FAM168A: variants seen among roughly 807,000 people sequenced by gnomAD.
FAM168A encodes the protein protein FAM168A.
FAM168A carries 3 observed loss-of-function variants against 28.5 expected under a neutral mutation model. The observed-to-expected ratio is 0.11, with a 90% CI of 0.05 to 0.27. FAM168A has a LOEUF of 0.27. FAM168A is among the 10% of genes least tolerant of loss of function. The pLI is 1.00. For missense variants in FAM168A, 222 were observed against 311.5 expected (o/e 0.71, Z 2.16); for synonymous variants, 122 against 124.2 (o/e 0.98, Z 0.12).
chr11:73,491,378 A>G (rs1392385494), intron 1 of FAM168A, among the ~76,000 whole-genome samples: 2 of 152,242 alleles, frequency 1.3e-5, no homozygotes, highest in African/African-American at 2.4e-5. Flanking sequence ...CTTACAAGGC[A>G]TAATTCTTCT....
chr11:73,438,676 CA>C (rs774244385), intron 2 of FAM168A, among the ~76,000 whole-genome samples: 25 of 152,084 alleles, frequency 1.6e-4, no homozygotes, highest in Admixed American at 3.3e-4. Context: ...GTATGTCTTA[CA>C]AAAACTACTC....
intron 1 of FAM168A, among the ~76,000 whole-genome samples, chr11:73,556,969 C>G (rs1943898919): frequency 6.6e-6 from 1 of 151,456 alleles, no homozygotes; most frequent in East Asian, 1.9e-4. Context: ...GCAGAGGTTG[C>G]AGTGAGCCAA....
intron 4 of FAM168A, among the ~76,000 whole-genome samples, chr11:73,414,970 T>C (rs1866672848): frequency 6.6e-6 from 1 of 152,226 alleles, no homozygotes; most frequent in African/African-American, 2.4e-5. Flanking sequence ...AATTTTTCTC[T>C]TCCCTGGGGA....
rs1866398440 is a variant in FAM168A, at chr11:73,401,107, A to ATTATTG, written c.*5655_*5656insCAATAA. 6.7e-6 allele frequency: 1 copy of ATTATTG among 149,282 alleles called. No homozygotes were observed. The highest frequency in any genetic ancestry group is 1.5e-5 in the Non-Finnish European group (1 of 67,422). The allele number at this position is 149,282 out of a possible 1,614,324, so 9.2% of individuals were successfully genotyped here. ...TATTATTATTATTATTATTATTATTATTATTTTAAATTTTATTTCTTTTTA... is the reference window on the plus strand; with the variant it reads ...TATTATTATTATTATTATTATTATTATTATTGTTATTTTAAATTTTATTTCTTTTTA... On this transcript the variant is annotated 3_prime_UTR_variant, in exon 8 of 8. Transcript: ENST00000356467.
intron 1 of FAM168A, among the ~76,000 whole-genome samples, chr11:73,525,482 C>T (rs1943436908): frequency 6.6e-6 from 1 of 152,156 alleles, no homozygotes; most frequent in Non-Finnish European, 1.5e-5. Flanking sequence ...CTGAGTCTAG[C>T]ATCCCCAAGT....
chr11:73,552,865 G>A (rs1204742987), intron 1 of FAM168A, among the ~76,000 whole-genome samples: 3 of 152,138 alleles, frequency 2.0e-5, no homozygotes, highest in Non-Finnish European at 4.4e-5. Context: ...ACTGAGGCAG[G>A]AGAAACACTA....
At chr11:73,547,191 AAAG>A (rs1003181678) in intron 1 of FAM168A, among the ~76,000 whole-genome samples, 2 of 151,600 alleles carry the variant, frequency 1.3e-5, no homozygotes, top group African/African-American at 2.4e-5. Flanking sequence ...GAGGAAGAAG[AAAG>A]AAGAAGAGAA....
At chr11:73,521,160 C>G (rs1309377010) in intron 1 of FAM168A, among the ~76,000 whole-genome samples, 1 of 152,178 alleles carries the variant, frequency 6.6e-6, no homozygotes, top group Non-Finnish European at 1.5e-5. Flanking sequence ...GTAGGTTGTT[C>G]TGCATGTGCG....
intron 3 of FAM168A, chr11:73,424,948 G>C: frequency 1.6e-6 from 2 of 1,264,072 alleles, no homozygotes; most frequent in Non-Finnish European, 2.2e-6. Context: ...GAGGAGAGGA[G>C]AGGGGATCTA....
chr11:73,458,655 G>C (rs1488736224), intron 2 of FAM168A, among the ~76,000 whole-genome samples: 4 of 152,136 alleles, frequency 2.6e-5, no homozygotes, highest in African/African-American at 9.7e-5. Flanking sequence ...CTGTCGCCCA[G>C]GCTGGAGTGC....
intron 1 of FAM168A, among the ~76,000 whole-genome samples, chr11:73,491,809 T>C (rs547680952): frequency 1.3e-5 from 2 of 152,186 alleles, no homozygotes; most frequent in South Asian, 4.1e-4. Context: ...CCAACATTCA[T>C]AATCCCCAAT....
At position 73,529,796 on chromosome 11, in the gene FAM168A, C is replaced by CT. The variant is rs772530179; in HGVS notation, c.-18-61305dup. 9.2e-3 allele frequency among the ~76,000 whole-genome samples: 1,172 copies of CT among 127,502 alleles called. 18 individuals are homozygous for CT. The highest frequency in any genetic ancestry group is 0.028 in the Middle Eastern group (7 of 252). The allele number at this position is 127,502 out of a possible 152,430, so 83.6% of individuals were successfully genotyped here. On this transcript the variant is annotated intron_variant, in intron 1 of 7. Transcript: ENST00000356467. ...TCCTTCATTCAAACAACTTTTTCTTCTTTTTTTTTTTTTTTTGGAGACGCA... is the reference window on the plus strand; with the variant it reads ...TCCTTCATTCAAACAACTTTTTCTTCTTTTTTTTTTTTTTTTTGGAGACGCA...
At chr11:73,570,915 T>TA (rs1362678047) in intron 1 of FAM168A, among the ~76,000 whole-genome samples, 1 of 152,178 alleles carries the variant, frequency 6.6e-6, no homozygotes, top group East Asian at 1.9e-4. Context: ...GTCACTGTAT[T>TA]ATGTTCATAC....
At chr11:73,419,760 T>TA in intron 4 of FAM168A, 114 bp downstream of exon 4, 1 of 1,378,334 alleles carries the variant, frequency 7.3e-7, no homozygotes, top group Non-Finnish European at 9.9e-7. Context: ...AAGAACCTCT[T>TA]AAAACATTAT....
chr11:73,414,775 C>G (rs1405581934), intron 4 of FAM168A, among the ~76,000 whole-genome samples: 1 of 152,214 alleles, frequency 6.6e-6, no homozygotes, highest in Non-Finnish European at 1.5e-5. Context: ...GCAGGCAGAG[C>G]CTGGTCTGAG....
intron 1 of FAM168A, among the ~76,000 whole-genome samples, chr11:73,516,033 G>T (rs561659658): frequency 6.6e-6 from 1 of 151,626 alleles, no homozygotes; most frequent in South Asian, 2.1e-4. Flanking sequence ...CCCAGGAGGC[G>T]GAGGTTGCAG....
Position 73,502,906 on chromosome 11 carries a change from A to G in FAM168A, c.-18-34414T>C, listed in dbSNP as rs865921148. ...CAGATCCAAAGACAAAAACCACATGATTATCTCAATAGATGCAGAAAAGGC... is the reference window on the plus strand; with the variant it reads ...CAGATCCAAAGACAAAAACCACATGGTTATCTCAATAGATGCAGAAAAGGC... On this transcript the variant is annotated intron_variant, in intron 1 of 7. Transcript: ENST00000356467. Among the ~76,000 whole-genome samples the G allele has an allele frequency of 7.9e-5, 12 of 152,324 alleles. No individual in the cohort carries two copies. In the South Asian group the frequency reaches 2.5e-3, roughly 32 times the overall value.
chr11:73,441,360 G>A (rs1867191896), intron 2 of FAM168A, among the ~76,000 whole-genome samples: 1 of 152,080 alleles, frequency 6.6e-6, no homozygotes, highest in African/African-American at 2.4e-5. Flanking sequence ...CCCAGTCTAG[G>A]CAGGCAAAAA....
intron 1 of FAM168A, among the ~76,000 whole-genome samples, chr11:73,560,278 G>A (rs76650181): frequency 0.018 from 2,724 of 151,864 alleles, 65 homozygotes; most frequent in African/African-American, 0.055. Flanking sequence ...TGCCCAAGTG[G>A]TCTTGAAATT....
Sources: gnomAD v4.1 joint callset for allele counts (sites outside exome capture counted in the v4.1 genomes callset) on GRCh38, gnomAD v4.1.1 for gene constraint, MANE v1.5 for transcripts, NCBI Gene and HGNC (gene_info 2026-07-23, HGNC 2026-07-21) for gene names.